Variants in RIC3 observed in about 807,000 individuals in gnomAD.
RIC3 encodes RIC3 acetylcholine receptor chaperone, also known as protein RIC-3.
RIC3 carries 28 observed loss-of-function variants against 27.3 expected under a neutral mutation model. The ratio of observed to expected loss-of-function variants is 1.02; its 90% CI spans 0.76 to 1.41. The LOEUF is 1.41. Ranked by LOEUF, RIC3 falls within the 40% of genes most tolerant of loss-of-function variation. The pLI, the probability that RIC3 is intolerant of heterozygous loss-of-function variation, is 0.00. For synonymous variants in RIC3, 184 were observed against 160.4 expected, an observed-to-expected ratio of 1.15 and a Z score of -1.11; for missense variants, 501 against 444.7, an observed-to-expected ratio of 1.13 and a Z score of -1.14.
At chr11:8,101,101 ATG>A (rs1453379231), downstream of RIC3, 12 of 1,357,142 alleles carry the variant, frequency 8.8e-6, no homozygotes, top group Non-Finnish European at 1.2e-5. Flanking sequence ...GAGTTTAAGA[ATG>A]TGAGCTATAC....
At chr11:8,159,542 G>T (rs1374053381) in intron 1 of RIC3, among the ~76,000 whole-genome samples, 1 of 152,038 alleles carries the variant, frequency 6.6e-6, no homozygotes, top group African/African-American at 2.4e-5. Context: ...GAGGAAGGAG[G>T]CAAACCAGGG....
In RIC3 at chr11:8,106,238, T is replaced by C. The variant is rs1483569933; in HGVS notation, c.*4460A>G. On this transcript the variant is annotated 3_prime_UTR_variant, in exon 6 of 6. Transcript: ENST00000309737. ...ATCAACAAATTAAACTTGAATCGTT[T>C]CAACACTTCTGTGTACTTTTTTCAT... 1 of 152,228 alleles carries C rather than the reference T, an allele frequency of 6.6e-6. No individual in the cohort carries two copies. The highest frequency in any genetic ancestry group is 1.5e-5 in the Non-Finnish European group (1 of 68,038). 9.4% of individuals were successfully genotyped at this position (152,228 alleles called of 1,614,324 possible).
At position 8,111,072 on chromosome 11, in the gene RIC3, T is replaced by C. The variant is rs1363577809; in HGVS notation, c.736A>G (p.Ile246Val). 7 of 1,614,078 alleles carry C rather than the reference T, an allele frequency of 4.3e-6. No homozygotes were observed. Among genetic ancestry groups the C allele is most frequent in the African/African-American group, 1.3e-5 (1 of 74,938 alleles). ...TTTGGGTCAGGGTAATCCACCAAGA[T>C]TGTTTCTTGCCTACGCTTGATACAG... ...SDCIKRRQET[I>V]LVDYPDPKEL... is the part of the protein sequence containing the mutation. The change falls in exon 6 of 6, where the codon ATC becomes GTC. Residue 246 changes from isoleucine to valine, a missense_variant. Transcript: ENST00000309737.
intron 1 of RIC3, among the ~76,000 whole-genome samples, chr11:8,168,329 G>C (rs1565153929): frequency 6.6e-6 from 1 of 152,148 alleles, no homozygotes; most frequent in Non-Finnish European, 1.5e-5. Flanking sequence ...TGAAACTGGG[G>C]TTATTAAAAT....
chr11:8,157,103 A>G (rs7104146), intron 1 of RIC3, among the ~76,000 whole-genome samples: 1,874 of 152,302 alleles, frequency 0.012, 36 homozygotes, highest in African/African-American at 0.043. Context: ...ATTTCAGAAC[A>G]CCAACATTAG....
intron 5 of RIC3, among the ~76,000 whole-genome samples, chr11:8,126,340 G>T (rs886458714): frequency 6.6e-6 from 1 of 152,154 alleles, no homozygotes. Flanking sequence ...AAGCCAATGA[G>T]TATATGCAGT....
At chr11:8,147,890 A>G (rs1590304417) in intron 1 of RIC3, among the ~76,000 whole-genome samples, 2 of 151,924 alleles carry the variant, frequency 1.3e-5, no homozygotes, top group South Asian at 4.2e-4. Context: ...ACCACGCCCA[A>G]CTAATTTTTG....
At chr11:8,101,688 C>T, downstream of RIC3, 1 of 1,575,316 alleles carries the variant, frequency 6.3e-7, no homozygotes, top group Non-Finnish European at 8.6e-7. Context: ...GTGGAGACAG[C>T]CCTGCCTATC....
At chr11:8,146,865 G>A (rs1327554946) in intron 1 of RIC3, among the ~76,000 whole-genome samples, 5 of 152,246 alleles carry the variant, frequency 3.3e-5, no homozygotes, top group Admixed American at 1.3e-4. Flanking sequence ...GGGTCCTGGC[G>A]ACCAGGTTTT....
chr11:8,161,652 A>C (rs1221104734), intron 1 of RIC3, among the ~76,000 whole-genome samples: 2 of 152,234 alleles, frequency 1.3e-5, no homozygotes, highest in Non-Finnish European at 2.9e-5. Context: ...TGTTTGCTGG[A>C]ACTTCTGGGA....
chr11:8,096,631 G>A, the RIC3 span: 1 of 1,204,214 alleles, frequency 8.3e-7, no homozygotes, highest in South Asian at 1.2e-5. Flanking sequence ...GTGTATTTCA[G>A]GGGCAGCGTA....
chr11:8,098,998 G>C, the RIC3 span: 1 of 754,656 alleles, frequency 1.3e-6, no homozygotes. Context: ...GAGAGGGGCT[G>C]TCCTCTGTGG....
In RIC3 at chr11:8,168,867, T is replaced by G; in HGVS notation, c.123A>C (p.Glu41Asp). ...CAGAGGGAGCTGGCCTGCTCTTACC[T>G]TCAGGTGTCGGCGGCGGCTCCTGCC... is the stretch of plus-strand genomic sequence containing the variant. ...GKRQEPPPTP[E>D]GKLGRFPPMM... The change falls in exon 1 of 6, where the codon GAA becomes GAC. Residue 41 changes from glutamate (E) to aspartate (D), a missense_variant and splice_region_variant. Transcript: ENST00000309737. 6.2e-7 allele frequency: 1 copy of G among 1,611,448 alleles called. No individual in the cohort carries two copies. The highest frequency in any genetic ancestry group is 1.7e-5 in the Admixed American group (1 of 59,650).
At chr11:8,098,767 G>A in the RIC3 span, 54 of 1,613,736 alleles carry the variant, frequency 3.3e-5, no homozygotes, top group Non-Finnish European at 4.2e-5. Flanking sequence ...GGTCCAACTT[G>A]ATGGGCACCA....
chr11:8,142,413 A>C (rs930777856), intron 1 of RIC3, among the ~76,000 whole-genome samples: 2 of 151,812 alleles, frequency 1.3e-5, no homozygotes, highest in African/African-American at 4.9e-5. Flanking sequence ...ACGCAAAAAA[A>C]CTAGAAAATC....
At chr11:8,141,959 A>C (rs899327390) in intron 1 of RIC3, among the ~76,000 whole-genome samples, 49 of 151,904 alleles carry the variant, frequency 3.2e-4, no homozygotes, top group African/African-American at 1.1e-3. Flanking sequence ...GCAGAAATAA[A>C]GATGTTCTTT....
intron 5 of RIC3, among the ~76,000 whole-genome samples, chr11:8,125,281 G>GA: frequency 6.7e-6 from 1 of 149,646 alleles, no homozygotes; most frequent in Non-Finnish European, 1.5e-5. Flanking sequence ...AAATCGTAAA[G>GA]AAAAAAATGG....
chr11:8,118,762 T>C (rs1445080291), intron 5 of RIC3, among the ~76,000 whole-genome samples: 4 of 151,756 alleles, frequency 2.6e-5, no homozygotes, highest in Non-Finnish European at 5.9e-5. Context: ...TCCCAGCTAC[T>C]TAGGAGGCTG....
At chr11:8,104,696 T>C (rs1944461771), downstream of RIC3, 1 of 152,206 alleles carries the variant, frequency 6.6e-6, no homozygotes, top group Non-Finnish European at 1.5e-5. Context: ...CCGCTCTGCA[T>C]TGCCTGAAAA....
Sources: allele counts gnomAD v4.1 joint callset (sites outside exome capture counted in the v4.1 genomes callset), GRCh38; gene constraint gnomAD v4.1.1; transcripts MANE v1.5; gene names NCBI Gene and HGNC (gene_info 2026-07-23, HGNC 2026-07-21).